The following ANOS1 variants were observed in gnomAD, a reference collection of about 807,000 sequenced individuals.
ANOS1 encodes the protein anosmin 1.
Under a neutral mutation model 59.0 loss-of-function variants are expected in ANOS1, and 6 were observed. The ratio of observed to expected loss-of-function variants is 0.10; its 90% CI spans 0.06 to 0.20. ANOS1 has a LOEUF of 0.20. Ranked by LOEUF, ANOS1 falls within the 10% of genes least tolerant of loss-of-function variation. ANOS1 has a pLI of 1.00. For missense variants in ANOS1, 433 were observed against 542.3 expected (o/e 0.80, Z 2.00); for synonymous variants, 217 against 223.4 (o/e 0.97, Z 0.25).
intron 1 of ANOS1, among the ~76,000 whole-genome samples, chrX:8,702,340 A>G (rs1932761264): frequency 8.9e-6 from 1 of 112,095 alleles, no homozygotes; most frequent in African/African-American, 3.2e-5. Flanking sequence ...GGCATAACAT[A>G]CCCTTTTATA....
chrX:8,564,914 A>G (rs779355156), intron 8 of ANOS1, among the ~76,000 whole-genome samples: 42 of 111,728 alleles, frequency 3.8e-4, no homozygotes, highest in Non-Finnish European at 4.7e-4. Context: ...AAAGGAGAGA[A>G]AAAGGTTTAT....
chrX:8,730,890 G>A (rs1932969022), intron 1 of ANOS1, among the ~76,000 whole-genome samples: 1 of 112,751 alleles, frequency 8.9e-6, no homozygotes, highest in African/African-American at 3.2e-5. Context: ...GCTGAGTCCG[G>A]AACCTGCTCT....
chrX:8,609,268 C>T (rs1930999726), intron 3 of ANOS1, among the ~76,000 whole-genome samples: 3 of 111,683 alleles, frequency 2.7e-5, no homozygotes, highest in South Asian at 7.6e-4. Flanking sequence ...ACAATAGGAG[C>T]TATCAACTCT....
At chrX:8,636,109 T>G (rs1165531516) in intron 2 of ANOS1, among the ~76,000 whole-genome samples, 1 of 112,050 alleles carries the variant, frequency 8.9e-6, no homozygotes, top group East Asian at 2.8e-4. Flanking sequence ...AGATTAGGAT[T>G]TCCCTCACTT....
At chrX:8,541,414 C>G (rs761491668) in intron 9 of ANOS1, among the ~76,000 whole-genome samples, 28 of 101,654 alleles carry the variant, frequency 2.8e-4, no homozygotes, top group African/African-American at 9.3e-4. Context: ...CCACCACCCC[C>G]CCCCCAAAAA....
In ANOS1 at chrX:8,553,441, A is replaced by T. The variant is rs1045692382; in HGVS notation, c.1354+511T>A. Among the ~76,000 whole-genome samples the T allele has an allele frequency of 3.6e-5, 4 of 111,201 alleles. No homozygotes were observed. The South Asian group carries it at 1.5e-3, about 42-fold the overall frequency. ...TGCATGACAATATAGCAGCTCAAAC[A>T]ATGTTACACAGAAATATGTGTGTAT... On this transcript the variant is annotated intron_variant, in intron 9 of 13. Coordinates refer to ENST00000262648, the MANE Select transcript of ANOS1 (RefSeq NM_000216.4).
intron 2 of ANOS1, among the ~76,000 whole-genome samples, chrX:8,635,604 C>A (rs142338104): frequency 3.7e-3 from 412 of 111,824 alleles, no homozygotes; most frequent in African/African-American, 0.013. Flanking sequence ...ATATACATAA[C>A]AAGACAGCCT....
At chrX:8,686,399 G>A (rs769718892) in intron 2 of ANOS1, among the ~76,000 whole-genome samples, 48 of 109,706 alleles carry the variant, frequency 4.4e-4, no homozygotes, top group African/African-American at 1.4e-3. Context: ...CATCTTAAGT[G>A]AGTGAAAAAA....
intron 8 of ANOS1, 127 bp downstream of exon 8, chrX:8,568,105 T>G (rs1881118437): frequency 4.6e-6 from 3 of 654,360 alleles, no homozygotes; most frequent in Non-Finnish European, 4.9e-6. Context: ...GTCACATGCA[T>G]GTGGGTAAGA....
intron 1 of ANOS1, among the ~76,000 whole-genome samples, chrX:8,707,963 C>T (rs1457999350): frequency 8.9e-6 from 1 of 112,746 alleles, no homozygotes; most frequent in Non-Finnish European, 1.9e-5. Context: ...TGGTGGCACA[C>T]GCCTGTAATC....
At chrX:8,705,314 A>T (rs1272412525) in intron 1 of ANOS1, among the ~76,000 whole-genome samples, 1 of 112,161 alleles carries the variant, frequency 8.9e-6, no homozygotes, top group African/African-American at 3.2e-5. Context: ...AGGAAATTTT[A>T]TATGCATGCA....
intron 4 of ANOS1, among the ~76,000 whole-genome samples, chrX:8,593,093 A>T (rs966019752): frequency 1.8e-5 from 2 of 112,416 alleles, no homozygotes; most frequent in East Asian, 5.5e-4. Context: ...AAATATTTTT[A>T]AAAATTAATT....
intron 3 of ANOS1, among the ~76,000 whole-genome samples, chrX:8,609,198 G>A (rs1930998598): frequency 3.6e-5 from 4 of 111,813 alleles, no homozygotes; most frequent in Admixed American, 1.9e-4. Flanking sequence ...CAACTAAGGG[G>A]TATGCTAAGG....
chrX:8,662,768 T>A (rs1932061224), intron 2 of ANOS1, among the ~76,000 whole-genome samples: 1 of 112,153 alleles, frequency 8.9e-6, no homozygotes, highest in Non-Finnish European at 1.9e-5. Context: ...ACGCCTGTAA[T>A]CCCAGCACTT....
At chrX:8,657,311 C>T (rs1334980561) in intron 2 of ANOS1, among the ~76,000 whole-genome samples, 1 of 111,895 alleles carries the variant, frequency 8.9e-6, no homozygotes, top group Non-Finnish European at 1.9e-5. Context: ...CAGATCATAT[C>T]CCTGTAATAG....
intron 2 of ANOS1, among the ~76,000 whole-genome samples, chrX:8,682,593 T>C (rs1390035669): frequency 9.0e-6 from 1 of 111,341 alleles, no homozygotes; most frequent in African/African-American, 3.3e-5. Context: ...TTGCTCAAGA[T>C]CACATAGCCC....
At chrX:8,700,277 C>G (rs1303706738) in intron 1 of ANOS1, among the ~76,000 whole-genome samples, 2 of 111,234 alleles carry the variant, frequency 1.8e-5, no homozygotes, top group Non-Finnish European at 3.8e-5. Flanking sequence ...GGAAGTATGG[C>G]TGGGGAGGCT....
intron 2 of ANOS1, among the ~76,000 whole-genome samples, chrX:8,684,656 C>G (rs1458422283): frequency 9.1e-6 from 1 of 109,880 alleles, no homozygotes; most frequent in African/African-American, 3.3e-5. Flanking sequence ...TGCCCCCCAC[C>G]CCCCGCCTTC....
In ANOS1 at chrX:8,695,790, A is replaced by G. The variant is rs769123962; in HGVS notation, c.255+3908T>C. On this transcript the variant is annotated intron_variant, in intron 2 of 13. Coordinates refer to ENST00000262648, the MANE Select transcript of ANOS1 (RefSeq NM_000216.4). Reference sequence around the variant, plus strand: ...TTCATAACTTTTAAAAAGTTATTCTATAAGACTTCATATGTGTGAGGTATA... The same window carrying G: ...TTCATAACTTTTAAAAAGTTATTCTGTAAGACTTCATATGTGTGAGGTATA... 5.4e-5 allele frequency among the ~76,000 whole-genome samples: 6 copies of G among 111,167 alleles called. No individual in the cohort carries two copies. The East Asian group carries it at 1.7e-3, about 31-fold the overall frequency.
Sources: allele counts gnomAD v4.1 joint callset (sites outside exome capture counted in the v4.1 genomes callset), GRCh38; gene constraint gnomAD v4.1.1; transcripts MANE v1.5; gene names NCBI Gene and HGNC (gene_info 2026-07-23, HGNC 2026-07-21).